DCUN1D4: variants seen among roughly 807,000 people sequenced by gnomAD.
The protein encoded by DCUN1D4 is DCN1-like protein 4.
Under a neutral mutation model 47.9 loss-of-function variants are expected in DCUN1D4, and 22 were observed. That is an observed-to-expected ratio of 0.46 (90% CI 0.33 to 0.66). DCUN1D4 has a LOEUF of 0.66. Ranked by LOEUF, DCUN1D4 falls within the 30% of genes least tolerant of loss-of-function variation. The pLI, the probability that DCUN1D4 is intolerant of heterozygous loss-of-function variation, is 0.02. For missense variants in DCUN1D4, 301 were observed against 340.8 expected, an observed-to-expected ratio of 0.88 and a Z score of 0.92; for synonymous variants, 121 against 112.2, an observed-to-expected ratio of 1.08 and a Z score of -0.50.
intron 5 of DCUN1D4, among the ~76,000 whole-genome samples, chr4:51,879,153 A>G (rs929575474): frequency 6.6e-6 from 1 of 152,156 alleles, no homozygotes; most frequent in African/African-American, 2.4e-5. Context: ...TCATTTCTTT[A>G]ATGAGTTTGA....
intron 1 of DCUN1D4, among the ~76,000 whole-genome samples, chr4:51,856,259 T>TA (rs1724122332): frequency 6.6e-6 from 1 of 152,216 alleles, no homozygotes. Flanking sequence ...GTTAAGAGCA[T>TA]AATACTGTTT....
the DCUN1D4 span, among the ~76,000 whole-genome samples, chr4:51,837,996 G>A: frequency 6.6e-6 from 1 of 152,004 alleles, no homozygotes. Flanking sequence ...TGACCAACAT[G>A]GTGAAAACCT....
chr4:51,877,393 C>T (rs984630941), intron 4 of DCUN1D4: 1 of 155,020 alleles, frequency 6.5e-6, no homozygotes, highest in Non-Finnish European at 1.4e-5. Flanking sequence ...AGAAGACAGA[C>T]ATGAGTTGTA....
At chr4:51,865,920 A>G (rs1725834448) in intron 3 of DCUN1D4, among the ~76,000 whole-genome samples, 2 of 152,190 alleles carry the variant, frequency 1.3e-5, no homozygotes, top group South Asian at 4.1e-4. Context: ...TACACCCTGC[A>G]CTATGACAGT....
chr4:51,852,828 C>T (rs952420057), intron 1 of DCUN1D4, among the ~76,000 whole-genome samples: 4 of 152,174 alleles, frequency 2.6e-5, no homozygotes, highest in African/African-American at 9.7e-5. Context: ...GAAGCATGTA[C>T]AGGGTCACTC....
At chr4:51,850,762 G>T (rs1422489051) in intron 1 of DCUN1D4, among the ~76,000 whole-genome samples, 1 of 152,278 alleles carries the variant, frequency 6.6e-6, no homozygotes, top group Non-Finnish European at 1.5e-5. Flanking sequence ...GTGCGGGCGT[G>T]GGGTGGGGTG....
At chr4:51,891,290 A>G (rs1360123984) in intron 6 of DCUN1D4, among the ~76,000 whole-genome samples, 2 of 152,220 alleles carry the variant, frequency 1.3e-5, no homozygotes, top group African/African-American at 2.4e-5. Flanking sequence ...TATGGAATGT[A>G]TTCGGCAAAG....
At position 51,915,173 on chromosome 4, in the gene DCUN1D4, C is replaced by T. The variant is rs921905236; in HGVS notation, c.*1589C>T. The T allele has an allele frequency of 2.0e-5, 3 of 152,514 alleles. No homozygotes were observed. The highest frequency in any genetic ancestry group is 7.2e-5 in the African/African-American group (3 of 41,432). The allele number at this position is 152,514 out of a possible 1,614,324, so 9.4% of individuals were successfully genotyped here. On this transcript the variant is annotated 3_prime_UTR_variant, in exon 11 of 11. Coordinates refer to ENST00000334635, the MANE Select transcript of DCUN1D4 (RefSeq NM_001040402.3). ...CACTATTTTACCATTTCTTTGCAAA[C>T]AGTGTTCACATTTTCATATTTTTTC... is the stretch of plus-strand genomic sequence containing the variant.
At chr4:51,860,834 A>G (rs576209535) in intron 1 of DCUN1D4, among the ~76,000 whole-genome samples, 8 of 152,220 alleles carry the variant, frequency 5.3e-5, no homozygotes, top group African/African-American at 1.9e-4. Context: ...TTAGGTGGGG[A>G]CATATCCAAA....
At chr4:51,850,578 AG>A (rs1367134993) in intron 1 of DCUN1D4, among the ~76,000 whole-genome samples, 1 of 152,128 alleles carries the variant, frequency 6.6e-6, no homozygotes, top group Non-Finnish European at 1.5e-5. Context: ...TCAGTCACCA[AG>A]TGTTTATTGG....
intron 1 of DCUN1D4, 33 bp downstream of exon 1, chr4:51,843,300 G>A (rs1468509063): frequency 2.0e-6 from 3 of 1,509,468 alleles, no homozygotes; most frequent in Non-Finnish European, 1.8e-6. Flanking sequence ...GCGGGCCGGG[G>A]CCGGGCGGCT....
At chr4:51,842,439 G>A (rs897648310), upstream of DCUN1D4, among the ~76,000 whole-genome samples, 2 of 152,242 alleles carry the variant, frequency 1.3e-5, no homozygotes, top group Non-Finnish European at 2.9e-5. Context: ...ACAAGTATGC[G>A]GACTCTGGAA....
At chr4:51,895,671 G>A (rs1731162886) in intron 7 of DCUN1D4, among the ~76,000 whole-genome samples, 2 of 151,680 alleles carry the variant, frequency 1.3e-5, no homozygotes. Context: ...CTTTTCCTGG[G>A]TAATAGGGGA....
At chr4:51,866,664 G>A (rs1725982474) in intron 3 of DCUN1D4, among the ~76,000 whole-genome samples, 1 of 152,186 alleles carries the variant, frequency 6.6e-6, no homozygotes, top group Admixed American at 6.5e-5. Context: ...AGTTTTAGTA[G>A]TTCTGAACTT....
chr4:51,853,350 G>A (rs548455721), intron 1 of DCUN1D4, among the ~76,000 whole-genome samples: 22 of 152,276 alleles, frequency 1.4e-4, no homozygotes, highest in African/African-American at 4.8e-4. Flanking sequence ...TTTGTGCCTT[G>A]TAAATAGCAA....
rs753288489 is a variant in DCUN1D4 at position 51,877,882 on chromosome 4, C to G, written c.343+28C>G. On this transcript the variant is annotated intron_variant, in intron 5 of 10. Coordinates refer to ENST00000334635, the MANE Select transcript of DCUN1D4 (RefSeq NM_001040402.3). ...AGGTATTCATTTGTATCATCTAAGA[C>G]TGATCCTTATGACAATAAGGAGTAC... 10 of 1,442,036 alleles carry G rather than the reference C, an allele frequency of 6.9e-6. No individual in the cohort carries two copies. In the East Asian group the frequency reaches 1.8e-4, roughly 26 times the overall value. 89.3% of individuals were successfully genotyped at this position (1,442,036 alleles called of 1,614,324 possible). A position where few individuals can be genotyped will look rare whatever the true frequency, so the allele number is the denominator to read the frequency against.
At chr4:51,857,919 A>G (rs1309629685) in intron 1 of DCUN1D4, among the ~76,000 whole-genome samples, 1 of 152,190 alleles carries the variant, frequency 6.6e-6, no homozygotes, top group East Asian at 1.9e-4. Context: ...TCTTCTAGGT[A>G]TTAATATTAC....
At chr4:51,853,484 G>C (rs546614755) in intron 1 of DCUN1D4, among the ~76,000 whole-genome samples, 38 of 152,168 alleles carry the variant, frequency 2.5e-4, no homozygotes, top group African/African-American at 8.9e-4. Flanking sequence ...CCTTTTCATC[G>C]TGTGCTGATA....
At chr4:51,860,649 C>A (rs534158214) in intron 1 of DCUN1D4, 1 of 454,858 alleles carries the variant, frequency 2.2e-6, no homozygotes, top group Non-Finnish European at 4.4e-6. Flanking sequence ...AAAGCAGGAG[C>A]GAGAGAGAGA....
Sources: gnomAD v4.1 joint callset for allele counts (sites outside exome capture counted in the v4.1 genomes callset) on GRCh38, gnomAD v4.1.1 for gene constraint, MANE v1.5 for transcripts, NCBI Gene and HGNC (gene_info 2026-07-23, HGNC 2026-07-21) for gene names.